Variants in TPCN2 observed in about 807,000 individuals in gnomAD.
TPCN2 encodes the protein two pore segment channel 2, also known as two pore channel protein 2.
In TPCN2, 92 loss-of-function variants were observed where a neutral mutation model predicts 111.4. The ratio of observed to expected loss-of-function variants is 0.83; its 90% CI spans 0.70 to 0.98. The LOEUF is 0.98. TPCN2 is among the 50% of genes least tolerant of loss of function. The pLI, the probability that TPCN2 is intolerant of heterozygous loss-of-function variation, is 0.00. For synonymous variants in TPCN2, 405 were observed against 414.5 expected (o/e 0.98, Z 0.28); for missense variants, 995 against 980.1 (o/e 1.02, Z -0.20).
chr11:69,077,795 G>A (rs961701160), intron 13 of TPCN2, among the ~76,000 whole-genome samples: 2 of 152,228 alleles, frequency 1.3e-5, no homozygotes, highest in African/African-American at 4.8e-5. Context: ...GTCACATGTG[G>A]CTGTGGAGTA....
intron 18 of TPCN2, among the ~76,000 whole-genome samples, chr11:69,083,670 C>T (rs11228485): frequency 0.44 from 66,176 of 151,836 alleles, 14,834 homozygotes; most frequent in Non-Finnish European, 0.5. Flanking sequence ...TGAGTGAGTG[C>T]GTGCGGGTGG....
At position 69,072,034 on chromosome 11, in the gene TPCN2, G is replaced by A. The variant is rs1431882726; in HGVS notation, c.1061+11G>A. 6.2e-7 allele frequency: 1 copy of A among 1,606,680 alleles called. No individual in the cohort carries two copies. Among genetic ancestry groups the A allele is most frequent in the African/African-American group, 1.3e-5 (1 of 74,778 alleles). On this transcript the variant is annotated intron_variant, in intron 11 of 24. Transcript: ENST00000294309. ...AGCCTTCCCTCAGGCGTGAGTGCTGGGCATGGACCCTCTTCTCCCTGAGGG... is the reference window on the plus strand; with the variant it reads ...AGCCTTCCCTCAGGCGTGAGTGCTGAGCATGGACCCTCTTCTCCCTGAGGG...
intron 4 of TPCN2, 40 bp from the exon 5 acceptor site, chr11:69,057,538 G>T (rs762758172): frequency 6.3e-7 from 1 of 1,579,478 alleles, no homozygotes; most frequent in South Asian, 1.1e-5. Flanking sequence ...GGGCCAGCGT[G>T]TGGGGCTACT....
At chr11:69,054,461 C>T (rs1024102271) in intron 2 of TPCN2, 1 of 570,980 alleles carries the variant, frequency 1.8e-6, no homozygotes, top group Non-Finnish European at 3.2e-6. Context: ...GCTGTGCTCT[C>T]AGCAAGTGTT....
chr11:69,077,769 T>A (rs1290961618), intron 13 of TPCN2, among the ~76,000 whole-genome samples: 1 of 152,236 alleles, frequency 6.6e-6, no homozygotes, highest in Non-Finnish European at 1.5e-5. Flanking sequence ...TCTGGGGGGA[T>A]GAGCTGTAGC....
intron 19 of TPCN2, chr11:69,084,840 C>T: frequency 4.1e-6 from 4 of 978,712 alleles, no homozygotes; most frequent in Non-Finnish European, 4.9e-6. Context: ...AACTGAGGCC[C>T]AGAAAGGGGA....
rs1856341549 is a variant in TPCN2 at position 69,087,737 on chromosome 11, ATCTGAGTCCCCGTGTC to A, written c.2181-133_2181-118del. On this transcript the variant is annotated intron_variant, in intron 24 of 24. Transcript: ENST00000294309. ...AGTGGCTACATCCATCCTGAGGCTC[ATCTGAGTCCCCGTGTC>A]TCTGTGTCCCTGTGACACTCACTTC... The A allele has an allele frequency of 7.8e-6, 5 of 640,038 alleles. No homozygotes were observed. The East Asian group carries it at 1.1e-4, about 14-fold the overall frequency. 39.6% of individuals were successfully genotyped at this position (640,038 alleles called of 1,614,324 possible). A position where few individuals can be genotyped will look rare whatever the true frequency, so the allele number is the denominator to read the frequency against.
intron 1 of TPCN2, 42 bp from the exon 2 acceptor site, chr11:69,053,991 G>A (rs948232026): frequency 6.4e-7 from 1 of 1,569,370 alleles, no homozygotes; most frequent in Non-Finnish European, 8.8e-7. Flanking sequence ...GTGAGGCCAT[G>A]TCATCCTGCT....
rs186257981 is a variant in TPCN2 at position 69,066,830 on chromosome 11, T to C, written c.727-673T>C. ...AGGCTTGGTAGGCAGAGGGTGCCCA[T>C]GAGCCTGGCCCCAGTGAGAGCCCCG... On this transcript the variant is annotated intron_variant, in intron 7 of 24. Transcript: ENST00000294309. 1.6e-4 allele frequency among the ~76,000 whole-genome samples: 24 copies of C among 152,254 alleles called. 1 individual carries two copies. Among genetic ancestry groups the C allele is most frequent in the African/African-American group, 5.5e-4 (23 of 41,554 alleles).
At chr11:69,085,426 C>T in intron 20 of TPCN2, 140 bp downstream of exon 20, 2 of 889,558 alleles carry the variant, frequency 2.2e-6, no homozygotes, top group Admixed American at 3.8e-5. Context: ...TCCCTCCACC[C>T]CCTTTTCCCG....
intron 5 of TPCN2, among the ~76,000 whole-genome samples, chr11:69,059,643 C>T (rs550021446): frequency 6.6e-6 from 1 of 152,380 alleles, no homozygotes; most frequent in South Asian, 2.1e-4. Flanking sequence ...GGGGCTGCCC[C>T]AGCTCTTTCA....
intron 1 of TPCN2, among the ~76,000 whole-genome samples, chr11:69,053,289 G>A (rs1035097295): frequency 6.6e-6 from 1 of 152,226 alleles, no homozygotes; most frequent in Non-Finnish European, 1.5e-5. Context: ...GCAGAGGCTG[G>A]GGGACTCGGG....
intron 13 of TPCN2, among the ~76,000 whole-genome samples, chr11:69,073,793 CCT>C (rs1239561058): frequency 6.6e-6 from 1 of 150,914 alleles, no homozygotes; most frequent in Non-Finnish European, 1.5e-5. Flanking sequence ...TAGATGCCAG[CCT>C]CTCCCTGTGT....
chr11:69,069,084 G>T (rs1404083183), intron 8 of TPCN2, among the ~76,000 whole-genome samples: 2 of 108,010 alleles, frequency 1.9e-5, no homozygotes, highest in Non-Finnish European at 4.0e-5. Context: ...GTGACCACAG[G>T]GGGAGCAGGA....
chr11:69,070,417 T>C lies in TPCN2; in HGVS notation c.830-13T>C. 1.2e-6 allele frequency: 2 copies of C among 1,606,566 alleles called. No homozygotes were observed. Among genetic ancestry groups the C allele is most frequent in the South Asian group, 1.1e-5 (1 of 90,964 alleles). ...TGAGGTTGTCAGTTTCTGTTATTTC[T>C]TTTTTCTTTTAGTGATGATTCCTGC... On this transcript the variant is annotated splice_polypyrimidine_tract_variant and intron_variant, in intron 8 of 24. Coordinates refer to ENST00000294309, the MANE Select transcript of TPCN2 (RefSeq NM_139075.4).
At chr11:69,077,984 CAAG>C (rs1404934521) in intron 13 of TPCN2, among the ~76,000 whole-genome samples, 1 of 152,198 alleles carries the variant, frequency 6.6e-6, no homozygotes, top group East Asian at 1.9e-4. Context: ...AGACGTGTCT[CAAG>C]GAGGCTGCTG....
chr11:69,084,121 G>A, intron 19 of TPCN2, 105 bp downstream of exon 19: 1 of 1,219,790 alleles, frequency 8.2e-7, no homozygotes, highest in Admixed American at 1.8e-5. Flanking sequence ...TCGGTAGGAA[G>A]GTTCTTGGGT....
At chr11:69,070,597 T>C in intron 9 of TPCN2, 102 bp downstream of exon 9, 1 of 893,866 alleles carries the variant, frequency 1.1e-6, no homozygotes, top group Non-Finnish European at 1.7e-6. Context: ...ACATCCGTGT[T>C]TTTCACTCCA....
intron 5 of TPCN2, among the ~76,000 whole-genome samples, chr11:69,062,147 G>A (rs186716598): frequency 8.5e-5 from 13 of 152,154 alleles, no homozygotes; most frequent in Admixed American, 1.3e-4. Flanking sequence ...TGGCGAGAGA[G>A]GCCCCCAGAC....
Sources: allele counts gnomAD v4.1 joint callset (sites outside exome capture counted in the v4.1 genomes callset), GRCh38; gene constraint gnomAD v4.1.1; transcripts MANE v1.5; gene names NCBI Gene and HGNC (gene_info 2026-07-23, HGNC 2026-07-21).